DLG2: variants seen among roughly 807,000 people sequenced by gnomAD.
The protein encoded by DLG2 is disks large homolog 2.
In DLG2, 45 loss-of-function variants were observed where a neutral mutation model predicts 132.5. The observed-to-expected ratio is 0.34, with a 90% CI of 0.27 to 0.44. The LOEUF (loss-of-function observed/expected upper bound fraction) is 0.44, where lower values mean the gene tolerates loss of function less well. DLG2 is among the 20% of genes least tolerant of loss of function. DLG2 has a pLI of 1.00. For missense variants in DLG2, 1,045 were observed against 1,196.9 expected (o/e 0.87, Z 1.87); for synonymous variants, 424 against 419.6 (o/e 1.01, Z -0.13).
rs192940525 is a variant in DLG2, at chr11:84,371,505, C to T, written c.520-120214G>A. 2.2e-3 allele frequency among the ~76,000 whole-genome samples: 331 copies of T among 152,222 alleles called. 1 individual carries two copies. The highest frequency in any genetic ancestry group is 7.7e-3 in the African/African-American group (320 of 41,554). The stretch of plus-strand genomic sequence containing the variant: ...TCAAAAGATCTACTCACTTCAGCCT[C>T]CCAAACTGCTGGAGTTACAGCTGTG... On this transcript the variant is annotated intron_variant, in intron 7 of 27. Coordinates refer to ENST00000376104, the MANE Select transcript of DLG2 (RefSeq NM_001142699.3).
intron 4 of DLG2, among the ~76,000 whole-genome samples, chr11:85,187,062 T>C (rs540398269): frequency 6.6e-6 from 1 of 152,236 alleles, no homozygotes; most frequent in Non-Finnish European, 1.5e-5. Flanking sequence ...TAAAAATCCA[T>C]TTACATGATA....
At chr11:83,788,582 T>C (rs1000025215) in intron 17 of DLG2, among the ~76,000 whole-genome samples, 2 of 152,254 alleles carry the variant, frequency 1.3e-5, no homozygotes, top group African/African-American at 4.8e-5. Context: ...CTGTCTAGGC[T>C]ATTGATGAGT....
intron 6 of DLG2, among the ~76,000 whole-genome samples, chr11:84,634,217 T>C (rs528119914): frequency 1.6e-4 from 25 of 152,312 alleles, no homozygotes; most frequent in African/African-American, 5.3e-4. Flanking sequence ...ATTCTCAGTC[T>C]TTTCCTCTTA....
intron 9 of DLG2, among the ~76,000 whole-genome samples, chr11:84,104,810 C>T (rs531824454): frequency 2.7e-4 from 41 of 151,918 alleles, no homozygotes; most frequent in Non-Finnish European, 5.3e-4. Flanking sequence ...TAGTAAAATA[C>T]TAAAAGCATT....
At chr11:85,211,427 A>T (rs1423942309) in intron 4 of DLG2, among the ~76,000 whole-genome samples, 1 of 152,146 alleles carries the variant, frequency 6.6e-6, no homozygotes, top group Non-Finnish European at 1.5e-5. Context: ...ATATCCCATG[A>T]ACTATAGAAA....
intron 18 of DLG2, among the ~76,000 whole-genome samples, chr11:83,709,847 C>A (rs1412101950): frequency 6.6e-6 from 1 of 152,162 alleles, no homozygotes; most frequent in Non-Finnish European, 1.5e-5. Flanking sequence ...AAAGAAGGTT[C>A]TAAGCGTAAG....
intron 4 of DLG2, among the ~76,000 whole-genome samples, chr11:85,169,928 C>A (rs2078722550): frequency 6.6e-6 from 1 of 152,050 alleles, no homozygotes; most frequent in African/African-American, 2.4e-5. Context: ...ATTTTCTAAG[C>A]CCCAACATAA....
At chr11:85,606,774 C>T (rs1021206490) in intron 2 of DLG2, among the ~76,000 whole-genome samples, 3 of 152,146 alleles carry the variant, frequency 2.0e-5, no homozygotes, top group Admixed American at 1.3e-4. Flanking sequence ...AGACCATAAA[C>T]CCACCAGGAG....
In DLG2 at chr11:84,402,944, G is replaced by A. The variant is rs2098835806; in HGVS notation, c.519+131626C>T. Among the ~76,000 whole-genome samples the A allele has an allele frequency of 3.4e-5, 5 of 148,334 alleles. No homozygotes were observed. The South Asian group carries it at 8.5e-4, about 25-fold the overall frequency. On this transcript the variant is annotated intron_variant, in intron 7 of 27. Transcript: ENST00000376104. ...ATGTATCTTACATGTTGTATTAATA[G>A]CATAAGCTTTATATAACAGAAAAGG...
chr11:83,935,091 A>G (rs59582831), intron 14 of DLG2, among the ~76,000 whole-genome samples: 3,116 of 152,272 alleles, frequency 0.02, 95 homozygotes, highest in African/African-American at 0.07. Context: ...TTGCCATAAT[A>G]GGAGGGGGCA....
intron 6 of DLG2, chr11:85,021,541 GA>G (rs2060067186): frequency 6.3e-6 from 10 of 1,587,770 alleles, no homozygotes; most frequent in Non-Finnish European, 7.8e-6. Context: ...GCCATACTTC[GA>G]AAAGATTGCC....
At chr11:85,460,966 G>A (rs72952002) in intron 3 of DLG2, among the ~76,000 whole-genome samples, 1 of 152,126 alleles carries the variant, frequency 6.6e-6, no homozygotes, top group East Asian at 1.9e-4. Flanking sequence ...GGTTTGATTT[G>A]TGGTGGTGCT....
At chr11:84,972,486 G>T (rs1300397514) in intron 6 of DLG2, among the ~76,000 whole-genome samples, 1 of 152,124 alleles carries the variant, frequency 6.6e-6, no homozygotes, top group Non-Finnish European at 1.5e-5. Flanking sequence ...TTTGCTTTGT[G>T]GTAATTTATA....
At chr11:84,843,761 T>C (rs2081010989) in intron 6 of DLG2, among the ~76,000 whole-genome samples, 1 of 151,898 alleles carries the variant, frequency 6.6e-6, no homozygotes, top group African/African-American at 2.4e-5. Context: ...AAAAAAAGTC[T>C]ATACATGTTC....
chr11:83,461,593 C>T lies in DLG2; in HGVS notation c.2821+409G>A, dbSNP rs148232056. ...GAAAGCTCATGGAGCTGGGGACGGACGCCTCCAAGCTTCTTCTCAAGAGTA... is the reference window on the plus strand; with the variant it reads ...GAAAGCTCATGGAGCTGGGGACGGATGCCTCCAAGCTTCTTCTCAAGAGTA... On this transcript the variant is annotated intron_variant, in intron 27 of 27. Transcript: ENST00000376104. The T allele has an allele frequency of 9.6e-3, 1,507 of 157,088 alleles. 22 individuals are homozygous for T. Among genetic ancestry groups the T allele is most frequent in the African/African-American group, 0.034 (1,423 of 41,646 alleles). The allele number at this position is 157,088 out of a possible 1,614,324, so 9.7% of individuals were successfully genotyped here.
chr11:85,591,371 C>G (rs937099375), intron 3 of DLG2, among the ~76,000 whole-genome samples: 1 of 152,178 alleles, frequency 6.6e-6, no homozygotes, highest in African/African-American at 2.4e-5. Flanking sequence ...CTGTTCCAGG[C>G]AGATCCATTT....
At chr11:84,074,718 C>T (rs1292539676) in intron 10 of DLG2, among the ~76,000 whole-genome samples, 5 of 151,822 alleles carry the variant, frequency 3.3e-5, no homozygotes, top group South Asian at 4.2e-4. Context: ...TTAGTACAGA[C>T]GGGGTTTCAC....
intron 6 of DLG2, among the ~76,000 whole-genome samples, chr11:84,861,632 A>C (rs1382307911): frequency 7.5e-5 from 5 of 66,418 alleles, no homozygotes; most frequent in East Asian, 6.9e-4. Flanking sequence ...AAAAAAAAAA[A>C]AAAAAAACAA....
At chr11:83,628,714 C>T (rs193072685) in intron 19 of DLG2, among the ~76,000 whole-genome samples, 201 of 152,278 alleles carry the variant, frequency 1.3e-3, no homozygotes, top group Middle Eastern at 6.8e-3. Context: ...CACCAAGGGT[C>T]TAAGGATCCT....
Sources: allele counts gnomAD v4.1 joint callset (sites outside exome capture counted in the v4.1 genomes callset), GRCh38; gene constraint gnomAD v4.1.1; transcripts MANE v1.5; gene names NCBI Gene and HGNC (gene_info 2026-07-23, HGNC 2026-07-21).